C1QB: variants seen among roughly 807,000 people sequenced by gnomAD.
C1QB encodes complement C1q subcomponent subunit B.
C1QB carries 2 observed loss-of-function variants against 4.6 expected under a neutral mutation model. The observed-to-expected ratio is 0.43, with a 90% CI of 0.18 to 1.36. The LOEUF (loss-of-function observed/expected upper bound fraction) is 1.36, where lower values mean the gene tolerates loss of function less well. Ranked by LOEUF, C1QB falls within the 40% of genes most tolerant of loss-of-function variation. C1QB has a pLI of 0.28. For missense variants in C1QB, 292 were observed against 338.0 expected, an observed-to-expected ratio of 0.86 and a Z score of 1.07; for synonymous variants, 132 against 137.1, an observed-to-expected ratio of 0.96 and a Z score of 0.26.
At chr1:22,660,341 CT>C (rs1642602228) in intron 2 of C1QB, among the ~76,000 whole-genome samples, 1 of 152,186 alleles carries the variant, frequency 6.6e-6, no homozygotes, top group South Asian at 2.1e-4. Context: ...TGCCACTCTA[CT>C]GGAAAATCGG....
intron 1 of C1QB, among the ~76,000 whole-genome samples, chr1:22,656,996 C>G (rs980249277): frequency 1.3e-5 from 2 of 152,162 alleles, no homozygotes; most frequent in East Asian, 3.9e-4. Context: ...TGCCCAGGTC[C>G]CTGGGCATGC....
chr1:22,660,702 C>A, intron 2 of C1QB, 110 bp from the exon 3 acceptor site: 1 of 1,123,242 alleles, frequency 8.9e-7, no homozygotes, highest in Non-Finnish European at 1.3e-6. Context: ...CTTCGTTTTA[C>A]AGATGGGAGA....
At chr1:22,660,612 C>T (rs1384381742) in intron 2 of C1QB, among the ~76,000 whole-genome samples, 200 bp from the exon 3 acceptor site, 1 of 152,156 alleles carries the variant, frequency 6.6e-6, no homozygotes, top group African/African-American at 2.4e-5. Context: ...CGATCAGCAG[C>T]CCCCAAGAAG....
In C1QB at chr1:22,659,550, A is replaced by G. The variant is rs1299941785; in HGVS notation, c.88A>G (p.Thr30Ala). The part of the protein sequence containing the change: ...IDISQAQLSC[T>A]GPPAIPGIPG... ...TATCTCCCAGGCCCAGCTCAGCTGCACCGGGCCCCCAGCCATCCCTGGCAT... is the reference window on the plus strand; with the variant it reads ...TATCTCCCAGGCCCAGCTCAGCTGCGCCGGGCCCCCAGCCATCCCTGGCAT... The change falls in exon 2 of 3, where the codon ACC (threonine) becomes GCC (alanine). Residue 30 changes from threonine (T) to alanine (A), a missense_variant. Coordinates refer to ENST00000509305, the MANE Select transcript of C1QB (RefSeq NM_001378156.1). 3.7e-6 allele frequency: 6 copies of G among 1,614,014 alleles called. No individual in the cohort carries two copies. The highest frequency in any genetic ancestry group is 5.1e-6 in the Non-Finnish European group (6 of 1,179,962).
intron 1 of C1QB, among the ~76,000 whole-genome samples, chr1:22,655,096 G>A (rs1642511388): frequency 6.6e-6 from 1 of 152,174 alleles, no homozygotes; most frequent in Non-Finnish European, 1.5e-5. Context: ...CATTCTCAGG[G>A]GCTGAATATC....
intron 1 of C1QB, 48 bp from the exon 2 acceptor site, chr1:22,659,392 A>T (rs1403215428): frequency 1.4e-6 from 2 of 1,412,666 alleles, no homozygotes; most frequent in African/African-American, 2.9e-5. Flanking sequence ...GGATGGATGG[A>T]TGATAGGATC....
intron 2 of C1QB, 141 bp downstream of exon 2, chr1:22,659,784 A>C: frequency 9.9e-7 from 1 of 1,015,202 alleles, no homozygotes. Context: ...GTAACTTTGC[A>C]AGGAGGGAAT....
chr1:22,660,558 G>A (rs889807947), intron 2 of C1QB, among the ~76,000 whole-genome samples: 2 of 152,102 alleles, frequency 1.3e-5, no homozygotes, highest in Admixed American at 6.5e-5. Context: ...GGGGAGGAGG[G>A]CCGGCCTAGC....
intron 1 of C1QB, chr1:22,654,050 G>GT (rs1472283473): frequency 6.6e-6 from 1 of 152,290 alleles, no homozygotes. Flanking sequence ...GCTCAGAGAG[G>GT]TTAAGGCACT....
At chr1:22,653,952 G>C (rs576138071) in intron 1 of C1QB, 1 of 152,372 alleles carries the variant, frequency 6.6e-6, no homozygotes, top group East Asian at 1.9e-4. Context: ...GGCACTGCAC[G>C]GGGCAGGGGG....
Position 22,661,280 on chromosome 1 carries a change from G to A in C1QB, c.650G>A (p.Gly217Glu). The A allele has an allele frequency of 1.2e-6, 2 of 1,613,870 alleles. No homozygotes were observed. The highest frequency in any genetic ancestry group is 1.7e-6 in the Non-Finnish European group (2 of 1,179,848). ...TGGMVLKLEQ[G>E]ENVFLQATDK... Reference sequence around the variant, plus strand: ...GGCATGGTCCTCAAGCTGGAGCAGGGGGAGAACGTCTTCCTGCAGGCCACC... The same window carrying A: ...GGCATGGTCCTCAAGCTGGAGCAGGAGGAGAACGTCTTCCTGCAGGCCACC... Residue 217 changes from glycine (G) to glutamate (E), a missense_variant, in exon 3 of 3, where the codon GGG becomes GAG. Gly to Glu is a moderately conservative substitution (Grantham distance 98, BLOSUM62 -2). Transcript: ENST00000509305.
At chr1:22,659,762 T>C in intron 2 of C1QB, 119 bp downstream of exon 2, 1 of 1,227,256 alleles carries the variant, frequency 8.1e-7, no homozygotes, top group Non-Finnish European at 1.2e-6. Context: ...AGCAGCTTGC[T>C]GAACCCTTGC....
At position 22,659,542 on chromosome 1, in the gene C1QB, T is replaced by C; in HGVS notation, c.80T>C (p.Leu27Pro). 1 of 1,614,026 alleles carries C rather than the reference T, an allele frequency of 6.2e-7. No homozygotes were observed. Among genetic ancestry groups the C allele is most frequent in the Non-Finnish European group, 8.5e-7 (1 of 1,179,970 alleles). ...CTAATCGATATCTCCCAGGCCCAGCTCAGCTGCACCGGGCCCCCAGCCATC... is the reference window on the plus strand; with the variant it reads ...CTAATCGATATCTCCCAGGCCCAGCCCAGCTGCACCGGGCCCCCAGCCATC... ...LGLIDISQAQ[L>P]SCTGPPAIPG... Residue 27 changes from leucine (L) to proline (P), a missense_variant, in exon 2 of 3, where the codon CTC (leucine) becomes CCC (proline). Physicochemically the swap from Leu to Pro is moderately conservative, Grantham distance 98. Transcript: ENST00000509305.
In C1QB at chr1:22,660,825, G is replaced by A; in HGVS notation, c.195G>A (p.Leu65=). The A allele has an allele frequency of 6.2e-7, 1 of 1,613,950 alleles. No homozygotes were observed. The highest frequency in any genetic ancestry group is 2.2e-5 in the East Asian group (1 of 44,842). ...GIKGEKGLPG[L]AGDHGEFGEK... The stretch of plus-strand genomic sequence containing the variant: ...CTGCTTTTCCAGGGCTTCCAGGGCT[G>A]GCTGGAGACCATGGTGAGTTCGGAG... Residue 65 remains leucine (L), a synonymous_variant, in exon 3 of 3, where the codon CTG becomes CTA. Coordinates refer to ENST00000509305, the MANE Select transcript of C1QB (RefSeq NM_001378156.1).
intron 2 of C1QB, among the ~76,000 whole-genome samples, chr1:22,660,242 A>G (rs942032795): frequency 2.6e-5 from 4 of 152,200 alleles, no homozygotes; most frequent in African/African-American, 9.6e-5. Flanking sequence ...AATGTGACTC[A>G]GTCAAGGTGA....
chr1:22,653,509 AT>A (rs1642484293), intron 1 of C1QB, among the ~76,000 whole-genome samples: 1 of 152,160 alleles, frequency 6.6e-6, no homozygotes, highest in African/African-American at 2.4e-5. Context: ...GGCCTAGCGG[AT>A]GGGCAGGCCA....
chr1:22,658,581 C>T (rs1450815974), intron 1 of C1QB, among the ~76,000 whole-genome samples: 2 of 152,252 alleles, frequency 1.3e-5, no homozygotes, highest in Admixed American at 6.5e-5. Context: ...CCACTAGGGG[C>T]ACAAGTCCAG....
intron 2 of C1QB, 67 bp downstream of exon 2, chr1:22,659,710 A>G: frequency 6.5e-7 from 1 of 1,534,446 alleles, no homozygotes; most frequent in Admixed American, 1.9e-5. Context: ...CTCCCAAGTC[A>G]CAGTTGCCTA....
In C1QB at chr1:22,661,106, C is replaced by T; in HGVS notation, c.476C>T (p.Thr159Ile). The T allele has an allele frequency of 6.2e-7, 1 of 1,614,172 alleles. No individual in the cohort carries two copies. The highest frequency in any genetic ancestry group is 8.5e-7 in the Non-Finnish European group (1 of 1,180,016). The change falls in exon 3 of 3, where the codon ACC becomes ATC. Residue 159 changes from threonine (T) to isoleucine (I), a missense_variant. Thr to Ile is a moderately conservative substitution (Grantham distance 89). Coordinates refer to ENST00000509305, the MANE Select transcript of C1QB (RefSeq NM_001378156.1). ...TATGAGCCCCGCAGTGGCAAGTTCA[C>T]CTGCAAGGTGCCCGGTCTCTACTAC... ...NNYEPRSGKF[T>I]CKVPGLYYFT...
Sources: allele counts gnomAD v4.1 joint callset (sites outside exome capture counted in the v4.1 genomes callset), GRCh38; gene constraint gnomAD v4.1.1; transcripts MANE v1.5; gene names NCBI Gene and HGNC (gene_info 2026-07-23, HGNC 2026-07-21).